NRG1: variants seen among roughly 807,000 people sequenced by gnomAD.
The protein encoded by NRG1 is neuregulin 1, also known as pro-neuregulin-1, membrane-bound isoform.
NRG1 carries 18 observed loss-of-function variants against 63.8 expected under a neutral mutation model. The ratio of observed to expected loss-of-function variants is 0.28; its 90% CI spans 0.19 to 0.42. NRG1 has a LOEUF of 0.42. Ranked by LOEUF, NRG1 falls within the 10% of genes least tolerant of loss-of-function variation. The pLI is 1.00. For synonymous variants in NRG1, 302 were observed against 301.3 expected, an observed-to-expected ratio of 1.00 and a Z score of -0.02; for missense variants, 762 against 814.7, an observed-to-expected ratio of 0.94 and a Z score of 0.79.
At chr8:32,223,211 T>C (rs904866748) in intron 1 of NRG1, among the ~76,000 whole-genome samples, 2 of 152,232 alleles carry the variant, frequency 1.3e-5, no homozygotes, top group Non-Finnish European at 2.9e-5. Flanking sequence ...AAAGAGCATT[T>C]ATAAAATGTT....
At chr8:31,650,045 C>T (rs1563254777) in intron 1 of NRG1, among the ~76,000 whole-genome samples, 1 of 152,104 alleles carries the variant, frequency 6.6e-6, no homozygotes, top group Non-Finnish European at 1.5e-5. Context: ...GTGGGACGAT[C>T]TTGGCTCACT....
At chr8:32,375,399 C>T (rs116168407) in intron 1 of NRG1, among the ~76,000 whole-genome samples, 1,782 of 152,192 alleles carry the variant, frequency 0.012, 33 homozygotes, top group African/African-American at 0.039. Context: ...GAATAATATA[C>T]TAAAATATAT....
intron 1 of NRG1, among the ~76,000 whole-genome samples, chr8:32,458,551 C>A (rs932307967): frequency 3.3e-5 from 5 of 152,048 alleles, no homozygotes; most frequent in African/African-American, 1.2e-4. Flanking sequence ...TATATTTCTG[C>A]CATTTTTTCT....
At chr8:32,454,980 G>C (rs565600273) in intron 1 of NRG1, among the ~76,000 whole-genome samples, 38 of 152,200 alleles carry the variant, frequency 2.5e-4, no homozygotes, top group African/African-American at 9.2e-4. Context: ...GTTCTCTAGT[G>C]CTCAGTACAG....
chr8:32,537,144 C>G (rs935876617), intron 1 of NRG1, among the ~76,000 whole-genome samples: 1 of 125,828 alleles, frequency 7.9e-6, no homozygotes, highest in African/African-American at 3.1e-5. Context: ...TGCAGTGATC[C>G]CAGATCGCGC....
At chr8:31,803,821 C>T (rs1438774030) in intron 1 of NRG1, among the ~76,000 whole-genome samples, 2 of 152,124 alleles carry the variant, frequency 1.3e-5, no homozygotes, top group Admixed American at 6.6e-5. Flanking sequence ...TACCTCTGAC[C>T]CTTGTGTGCT....
chr8:31,761,983 T>G (rs1409933738), intron 1 of NRG1, among the ~76,000 whole-genome samples: 1 of 152,214 alleles, frequency 6.6e-6, no homozygotes, highest in African/African-American at 2.4e-5. Context: ...CCATTATGTC[T>G]TCTGTGAATA....
At chr8:31,936,967 T>C (rs1585899795) in intron 1 of NRG1, among the ~76,000 whole-genome samples, 1 of 152,360 alleles carries the variant, frequency 6.6e-6, no homozygotes, top group East Asian at 1.9e-4. Flanking sequence ...GATTTGTGTT[T>C]AAATGACTTT....
intron 5 of NRG1, chr8:32,647,835 GAGCCCCAGACTGA>G: frequency 6.2e-7 from 1 of 1,613,992 alleles, no homozygotes; most frequent in Non-Finnish European, 8.5e-7. Context: ...AGACATGCCA[GAGCCCCAGACTGA>G]AGATGGGAGA....
chr8:32,047,142 T>C (rs1299323255), intron 1 of NRG1, among the ~76,000 whole-genome samples: 1 of 151,966 alleles, frequency 6.6e-6, no homozygotes, highest in East Asian at 1.9e-4. Flanking sequence ...ATATACAACC[T>C]CACCAATGCT....
chr8:32,461,064 A>T (rs1822250227), intron 1 of NRG1, among the ~76,000 whole-genome samples: 1 of 152,160 alleles, frequency 6.6e-6, no homozygotes, highest in Admixed American at 6.6e-5. Context: ...TAAAATGTTC[A>T]GTGGTCTTTT....
chr8:32,009,058 CCTTAGTCACA>C (rs1359200238), intron 1 of NRG1, among the ~76,000 whole-genome samples: 1 of 152,056 alleles, frequency 6.6e-6, no homozygotes, highest in Non-Finnish European at 1.5e-5. Flanking sequence ...AATATGGTGA[CCTTAGTCACA>C]CTGGTTATTT....
At chr8:31,801,619 T>C (rs1005069822) in intron 1 of NRG1, among the ~76,000 whole-genome samples, 1 of 152,198 alleles carries the variant, frequency 6.6e-6, no homozygotes, top group Non-Finnish European at 1.5e-5. Context: ...ATTCTACTTG[T>C]AGTCTCCAAA....
At chr8:31,980,974 C>A (rs1161256999) in intron 1 of NRG1, among the ~76,000 whole-genome samples, 1 of 151,914 alleles carries the variant, frequency 6.6e-6, no homozygotes, top group Non-Finnish European at 1.5e-5. Context: ...TATTTCAATG[C>A]ATGGGAAAAT....
chr8:32,533,747 GTGA>G (rs1831686901), intron 1 of NRG1, among the ~76,000 whole-genome samples: 1 of 152,002 alleles, frequency 6.6e-6, no homozygotes. Context: ...TACCATGAAA[GTGA>G]TAACGATTCC....
chr8:32,343,357 CT>C (rs1269152485), intron 1 of NRG1, among the ~76,000 whole-genome samples: 1 of 152,076 alleles, frequency 6.6e-6, no homozygotes, highest in Non-Finnish European at 1.5e-5. Flanking sequence ...ATGTGCGAAC[CT>C]TGGAGTCAGG....
intron 1 of NRG1, among the ~76,000 whole-genome samples, chr8:32,471,684 T>G (rs13251953): frequency 0.62 from 94,497 of 151,880 alleles, 29,646 homozygotes; most frequent in East Asian, 0.8. Flanking sequence ...GTTAAATACT[T>G]AATATATAAC....
intron 7 of NRG1, 50 bp from the exon 8 acceptor site, chr8:32,754,322 C>T (rs369873924): frequency 1.8e-4 from 282 of 1,547,828 alleles, no homozygotes; most frequent in Non-Finnish European, 2.4e-4. Context: ...GTAGTCAGTC[C>T]TGGCAAGTGG....
intron 1 of NRG1, among the ~76,000 whole-genome samples, chr8:32,387,966 T>TA (rs1483600825): frequency 6.6e-6 from 1 of 152,196 alleles, no homozygotes; most frequent in Non-Finnish European, 1.5e-5. Flanking sequence ...TCAAGCTTGT[T>TA]ACGATTCAGT....
Sources: allele counts gnomAD v4.1 joint callset (sites outside exome capture counted in the v4.1 genomes callset), GRCh38; gene constraint gnomAD v4.1.1; transcripts MANE v1.5; gene names NCBI Gene and HGNC (gene_info 2026-07-23, HGNC 2026-07-21).